ULK4: variants seen among roughly 807,000 people sequenced by gnomAD.
ULK4 encodes inactive serine/threonine-protein kinase ULK4.
ULK4 carries 133 observed loss-of-function variants against 160.6 expected under a neutral mutation model. The ratio of observed to expected loss-of-function variants is 0.83; its 90% CI spans 0.72 to 0.96. The LOEUF is 0.96. ULK4 is among the 40% of genes least tolerant of loss of function. The pLI is 0.00. For synonymous variants in ULK4, 534 were observed against 539.8 expected (o/e 0.99, Z 0.15); for missense variants, 1,580 against 1,499.5 (o/e 1.05, Z -0.89).
At chr3:41,334,461 T>C (rs959985799) in intron 35 of ULK4, among the ~76,000 whole-genome samples, 1 of 152,216 alleles carries the variant, frequency 6.6e-6, no homozygotes, top group African/African-American at 2.4e-5. Flanking sequence ...TCTGGAGGAT[T>C]TTTTATGGGC....
intron 35 of ULK4, among the ~76,000 whole-genome samples, chr3:41,336,070 A>AGAACCGTCCTTGACCTAAAC (rs2080548831): frequency 6.6e-6 from 1 of 152,178 alleles, no homozygotes; most frequent in Non-Finnish European, 1.5e-5. Flanking sequence ...TTTGCCATGA[A>AGAACCGTCCTTGACCTAAAC]GAACCGTCCT....
At chr3:41,835,772 A>G in intron 18 of ULK4, 92 bp downstream of exon 18, 1 of 969,986 alleles carries the variant, frequency 1.0e-6, no homozygotes, top group Non-Finnish European at 1.5e-6. Context: ...CTAAGGCGCA[A>G]AATCAAAAAA....
intron 27 of ULK4, among the ~76,000 whole-genome samples, chr3:41,702,488 T>C (rs2036710200): frequency 1.3e-5 from 2 of 152,110 alleles, no homozygotes. Flanking sequence ...TTCTATTACA[T>C]AGATCTAAAA....
intron 35 of ULK4, among the ~76,000 whole-genome samples, chr3:41,307,824 C>T (rs1453676011): frequency 4.3e-4 from 65 of 151,506 alleles, no homozygotes; most frequent in Admixed American, 4.1e-3. Flanking sequence ...AGCAAAACCC[C>T]GTTTCATACA....
chr3:41,923,990 A>T (rs1184404977), intron 5 of ULK4, among the ~76,000 whole-genome samples: 2 of 152,212 alleles, frequency 1.3e-5, no homozygotes, highest in East Asian at 3.8e-4. Context: ...CAGGAAATTA[A>T]AACTCCTAGC....
intron 32 of ULK4, among the ~76,000 whole-genome samples, chr3:41,465,545 A>G (rs2083809599): frequency 6.6e-6 from 1 of 152,168 alleles, no homozygotes; most frequent in African/African-American, 2.4e-5. Flanking sequence ...CATGGACCTT[A>G]AGTCTCCTTT....
chr3:41,408,587 G>C (rs928857286), intron 34 of ULK4, among the ~76,000 whole-genome samples: 1 of 152,104 alleles, frequency 6.6e-6, no homozygotes, highest in African/African-American at 2.4e-5. Context: ...TAGTTGTCTT[G>C]TTTGGCAGAA....
chr3:41,389,216 G>T (rs2081895106), intron 35 of ULK4, among the ~76,000 whole-genome samples: 1 of 152,132 alleles, frequency 6.6e-6, no homozygotes, highest in Admixed American at 6.5e-5. Context: ...TTTGTACATT[G>T]ATTTTGTATC....
chr3:41,605,244 G>A (rs181376358), intron 31 of ULK4, among the ~76,000 whole-genome samples: 1 of 151,814 alleles, frequency 6.6e-6, no homozygotes, highest in African/African-American at 2.4e-5. Context: ...CTAGTAGTAA[G>A]ATTTAAATAT....
chr3:41,884,121 T>TCTCC (rs1697630137), intron 16 of ULK4, among the ~76,000 whole-genome samples, 169 bp from the exon 17 acceptor site: 1 of 151,926 alleles, frequency 6.6e-6, no homozygotes, highest in South Asian at 2.1e-4. Flanking sequence ...CCAGAGAAAC[T>TCTCC]CTCCCTCGTA....
rs1195213138 is a variant in ULK4, at chr3:41,717,828, C to A, written c.2355G>T (p.Lys785Asn). 5 of 1,614,118 alleles carry A rather than the reference C, an allele frequency of 3.1e-6. No individual in the cohort carries two copies. Among genetic ancestry groups the A allele is most frequent in the South Asian group, 1.1e-5 (1 of 91,072 alleles). ...LVMYIERDSR[K>N]TTPGKEQQSG... is the part of the protein sequence containing the mutation. ...TTTGCTGCTCCTTGCCTGGAGTGGT[C>A]TTTCTGCTGTCTCTCTCGATGTACA... Residue 785 changes from lysine (K) to asparagine (N), a missense_variant, in exon 23 of 37, where the codon AAG becomes AAT. Coordinates refer to ENST00000301831, the MANE Select transcript of ULK4 (RefSeq NM_017886.4).
chr3:41,345,385 CAAT>C (rs1364886933), intron 35 of ULK4, among the ~76,000 whole-genome samples: 1 of 152,118 alleles, frequency 6.6e-6, no homozygotes, highest in Non-Finnish European at 1.5e-5. Context: ...AAATACTCAA[CAAT>C]GATAGACTGG....
intron 17 of ULK4, among the ~76,000 whole-genome samples, chr3:41,868,231 TTC>T (rs773385802): frequency 6.6e-6 from 1 of 152,186 alleles, no homozygotes; most frequent in East Asian, 1.9e-4. Context: ...ATTCTTTTAG[TTC>T]TGTCAATTTT....
Position 41,768,060 on chromosome 3 carries a change from G to A in ULK4, c.2194-13572C>T, listed in dbSNP as rs545311849. Among the ~76,000 whole-genome samples, 5 of 152,252 alleles carry A rather than the reference G, an allele frequency of 3.3e-5. No individual in the cohort carries two copies. In the South Asian group the frequency reaches 1.0e-3, roughly 32 times the overall value. On this transcript the variant is annotated intron_variant, in intron 21 of 36. Transcript: ENST00000301831. Reference sequence around the variant, plus strand: ...CAGTGGAGCCAACAGATTCTCATAGGAGTGTGAACCCTATTGTGAACTGCA... The same window carrying A: ...CAGTGGAGCCAACAGATTCTCATAGAAGTGTGAACCCTATTGTGAACTGCA...
At chr3:41,545,270 C>A (rs73830224) in intron 32 of ULK4, among the ~76,000 whole-genome samples, 9,266 of 152,186 alleles carry the variant, frequency 0.061, 839 homozygotes, top group African/African-American at 0.2. Flanking sequence ...TTTGAGTTTT[C>A]ATCTGGTATC....
At chr3:41,742,207 C>G (rs73828242) in intron 22 of ULK4, among the ~76,000 whole-genome samples, 7 of 151,746 alleles carry the variant, frequency 4.6e-5, no homozygotes, top group Admixed American at 4.6e-4. Context: ...CTGAGAAGTA[C>G]AGGCAAAGCA....
rs540939785 is a variant in ULK4 at position 41,822,714 on chromosome 3, G to A, written c.1765-3208C>T. Among the ~76,000 whole-genome samples, 202 of 139,706 alleles carry A rather than the reference G, an allele frequency of 1.4e-3. 2 individuals carry two copies. The highest frequency in any genetic ancestry group is 4.7e-3 in the African/African-American group (173 of 36,708). 91.7% of individuals were successfully genotyped at this position (139,706 alleles called of 152,430 possible). Reference sequence around the variant, plus strand: ...GATTACAAGCATAAGCCACCATGCCGGGCTGAGATTTTTTTTTTTTTTTTT... The same window carrying A: ...GATTACAAGCATAAGCCACCATGCCAGGCTGAGATTTTTTTTTTTTTTTTT... On this transcript the variant is annotated intron_variant, in intron 18 of 36. Coordinates refer to ENST00000301831, the MANE Select transcript of ULK4 (RefSeq NM_017886.4).
chr3:41,646,901 C>G (rs1575524523), intron 30 of ULK4, among the ~76,000 whole-genome samples: 1 of 152,162 alleles, frequency 6.6e-6, no homozygotes, highest in East Asian at 1.9e-4. Context: ...TCTTTTTATT[C>G]ATTTTTCTCT....
intron 34 of ULK4, among the ~76,000 whole-genome samples, chr3:41,434,952 C>T (rs2083000209): frequency 6.6e-6 from 1 of 152,192 alleles, no homozygotes; most frequent in Non-Finnish European, 1.5e-5. Flanking sequence ...AGTGTTTCTG[C>T]ATGACGAATT....
Sources: allele counts gnomAD v4.1 joint callset (sites outside exome capture counted in the v4.1 genomes callset), GRCh38; gene constraint gnomAD v4.1.1; transcripts MANE v1.5; gene names NCBI Gene and HGNC (gene_info 2026-07-23, HGNC 2026-07-21).